CHODL: variants seen among roughly 807,000 people sequenced by gnomAD.
CHODL encodes the protein transmembrane protein MT75.
CHODL carries 29 observed loss-of-function variants against 34.5 expected under a neutral mutation model. The ratio of observed to expected loss-of-function variants is 0.84; its 90% CI spans 0.63 to 1.15. The LOEUF is 1.15. CHODL is among the 50% of genes most tolerant of loss of function. CHODL has a pLI of 0.00. For synonymous variants in CHODL, 125 were observed against 116.1 expected (o/e 1.08, Z -0.49); for missense variants, 332 against 332.5 (o/e 1.00, Z 0.01).
At chr21:17,961,185 C>G (rs1475528644) in intron 1 of CHODL, among the ~76,000 whole-genome samples, 1 of 152,164 alleles carries the variant, frequency 6.6e-6, no homozygotes, top group Non-Finnish European at 1.5e-5. Context: ...TTACCTCTCT[C>G]CCTATGCGTA....
chr21:18,053,968 C>T (rs923015897), intron 2 of CHODL, among the ~76,000 whole-genome samples: 2 of 151,548 alleles, frequency 1.3e-5, no homozygotes, highest in African/African-American at 4.8e-5. Context: ...TCACATATAT[C>T]ACACCTTATA....
rs2074290738 is a variant in CHODL, at chr21:18,254,284, T to C, written c.80-2225T>C. Among the ~76,000 whole-genome samples the C allele has an allele frequency of 5.5e-5, 8 of 146,522 alleles. No individual in the cohort carries two copies. In the South Asian group the frequency reaches 1.7e-3, roughly 30 times the overall value. ...CAGGAATAATGTTAATGGAGATGAATTGTAAGAAAGTAGAGAAACTATTTC... is the reference window on the plus strand; with the variant it reads ...CAGGAATAATGTTAATGGAGATGAACTGTAAGAAAGTAGAGAAACTATTTC... On this transcript the variant is annotated intron_variant, in intron 1 of 5. Coordinates refer to ENST00000299295, the MANE Select transcript of CHODL (RefSeq NM_024944.3).
At chr21:17,937,305 G>A (rs1272744108) in intron 1 of CHODL, among the ~76,000 whole-genome samples, 2 of 152,122 alleles carry the variant, frequency 1.3e-5, no homozygotes, top group African/African-American at 2.4e-5. Flanking sequence ...AGAATACCTG[G>A]TTGTGATTAC....
intron 2 of CHODL, among the ~76,000 whole-genome samples, chr21:18,173,123 A>G (rs2073252180): frequency 6.6e-6 from 1 of 152,202 alleles, no homozygotes; most frequent in Non-Finnish European, 1.5e-5. Context: ...ACCCTTTGTT[A>G]AAAAGCTTAT....
At chr21:17,957,658 C>A (rs2146347940) in intron 1 of CHODL, among the ~76,000 whole-genome samples, 1 of 151,276 alleles carries the variant, frequency 6.6e-6, no homozygotes, top group African/African-American at 2.4e-5. Context: ...GCTAAAGGAT[C>A]CAAGATATTA....
At chr21:18,201,157 T>TGTGTGTTCCTTTGGATCG (rs1351693220) in intron 2 of CHODL, among the ~76,000 whole-genome samples, 1 of 152,214 alleles carries the variant, frequency 6.6e-6, no homozygotes, top group East Asian at 1.9e-4. Flanking sequence ...CACAAAGATA[T>TGTGTGTTCCTTTGGATCG]GAACCAGGCT....
chr21:18,080,714 G>C lies in CHODL; in HGVS notation c.-45+52743G>C, dbSNP rs576637378. On this transcript the variant is annotated intron_variant, in intron 2 of 6. Coordinates refer to the CHODL transcript ENST00000400127. ...TGTGACTATTTTTATTTTTATACTA[G>C]TACCTTCTGTTTTAGTCACTATAGC... 5.9e-5 allele frequency among the ~76,000 whole-genome samples: 9 copies of C among 152,140 alleles called. No individual in the cohort carries two copies. In the East Asian group the frequency reaches 9.7e-4, roughly 16 times the overall value.
At position 18,265,919 on chromosome 21, in the gene CHODL, T is replaced by C. The variant is rs1432770061; in HGVS notation, c.738-35T>C. 6 of 1,577,854 alleles carry C rather than the reference T, an allele frequency of 3.8e-6. No individual in the cohort carries two copies. The South Asian group carries it at 6.8e-5, about 18-fold the overall frequency. ...AGACATGCTTAGTTTAATAAGAAATTTTAGGCACTAAACATTTTTTCTTAT... is the reference window on the plus strand; with the variant it reads ...AGACATGCTTAGTTTAATAAGAAATCTTAGGCACTAAACATTTTTTCTTAT... On this transcript the variant is annotated intron_variant, in intron 5 of 5. Transcript: ENST00000299295.
At chr21:18,171,267 C>T (rs147698139) in intron 2 of CHODL, among the ~76,000 whole-genome samples, 3,152 of 115,180 alleles carry the variant, frequency 0.027, 153 homozygotes, top group East Asian at 0.17. Flanking sequence ...ACTGCAGCGG[C>T]GCAATCTCGG....
intron 2 of CHODL, among the ~76,000 whole-genome samples, chr21:18,173,983 C>A (rs575833259): frequency 6.7e-6 from 1 of 150,300 alleles, no homozygotes; most frequent in African/African-American, 2.4e-5. Flanking sequence ...ATTTTAAAAA[C>A]GAGTTTCTAA....
chr21:18,253,944 T>C (rs2146806731), intron 1 of CHODL, among the ~76,000 whole-genome samples: 1 of 152,272 alleles, frequency 6.6e-6, no homozygotes, highest in East Asian at 1.9e-4. Context: ...TTGGTTGTTC[T>C]CAGTTTGTGT....
chr21:17,975,889 A>C (rs2063657887), intron 1 of CHODL, among the ~76,000 whole-genome samples: 1 of 152,216 alleles, frequency 6.6e-6, no homozygotes, highest in South Asian at 2.1e-4. Context: ...ATTAGAACCC[A>C]AAACAACAAA....
rs1169498840 is a variant in CHODL, at chr21:18,028,256, T to C, written c.-45+285T>C. The stretch of plus-strand genomic sequence containing the variant: ...TCCCCTTCCCCTTCCCCTTTTCCTT[T>C]TCTTTTTCTTTTTCCTTTTCCCCTT... On this transcript the variant is annotated intron_variant, in intron 2 of 6. Transcript: ENST00000400127. 4.9e-4 allele frequency among the ~76,000 whole-genome samples: 35 copies of C among 71,660 alleles called. No homozygotes were observed. In the South Asian group the frequency reaches 5.1e-3, roughly 10 times the overall value. 47.0% of individuals were successfully genotyped at this position (71,660 alleles called of 152,430 possible). A position where few individuals can be genotyped will look rare whatever the true frequency, so the allele number is the denominator to read the frequency against.
intron 1 of CHODL, among the ~76,000 whole-genome samples, chr21:18,004,844 AAC>A (rs1491280746): frequency 1.4e-5 from 2 of 144,690 alleles, no homozygotes; most frequent in African/African-American, 2.6e-5. Flanking sequence ...AAAAAAAAAA[AAC>A]AACAACAGTT....
intron 1 of CHODL, among the ~76,000 whole-genome samples, chr21:17,977,098 T>G (rs998141245): frequency 6.6e-5 from 10 of 152,184 alleles, no homozygotes; most frequent in Non-Finnish European, 1.0e-4. Flanking sequence ...ATTTCCTACG[T>G]GCTTTTATAT....
chr21:18,081,420 T>C (rs967809849), intron 2 of CHODL, among the ~76,000 whole-genome samples: 1 of 152,012 alleles, frequency 6.6e-6, no homozygotes, highest in Non-Finnish European at 1.5e-5. Flanking sequence ...GTGGCTCACA[T>C]CTGTAATCCC....
At chr21:18,121,115 G>A (rs937198381) in intron 2 of CHODL, among the ~76,000 whole-genome samples, 2 of 151,962 alleles carry the variant, frequency 1.3e-5, no homozygotes, top group African/African-American at 4.8e-5. Flanking sequence ...GTTCCTCAGG[G>A]CTTCTCTTCT....
chr21:18,179,153 T>C (rs1487586190), intron 2 of CHODL, among the ~76,000 whole-genome samples: 2 of 152,014 alleles, frequency 1.3e-5, no homozygotes, highest in East Asian at 3.9e-4. Flanking sequence ...AAAACCGCCA[T>C]TTGTGGAGTT....
intron 1 of CHODL, among the ~76,000 whole-genome samples, chr21:17,986,609 G>A (rs563967646): frequency 1.3e-5 from 2 of 152,302 alleles, no homozygotes; most frequent in East Asian, 3.9e-4. Flanking sequence ...ATTGTGAATA[G>A]TGCCACAGTA....
Sources: allele counts gnomAD v4.1 joint callset (sites outside exome capture counted in the v4.1 genomes callset), GRCh38; gene constraint gnomAD v4.1.1; transcripts MANE v1.5; gene names NCBI Gene and HGNC (gene_info 2026-07-23, HGNC 2026-07-21).